Variants in CLSTN1 observed in about 807,000 individuals in gnomAD.
The protein encoded by CLSTN1 is calsyntenin 1, also known as calsyntenin-1.
In CLSTN1, 28 loss-of-function variants were observed where a neutral mutation model predicts 108.3. That is an observed-to-expected ratio of 0.26 (90% CI 0.19 to 0.35). The LOEUF is 0.35. Among genes scored for constraint, CLSTN1 ranks in the 10% least tolerant of loss-of-function variants. CLSTN1 has a pLI of 1.00. For missense variants in CLSTN1, 1,157 were observed against 1,302.6 expected, an observed-to-expected ratio of 0.89 and a Z score of 1.72; for synonymous variants, 524 against 534.9, an observed-to-expected ratio of 0.98 and a Z score of 0.28.
intron 11 of CLSTN1, among the ~76,000 whole-genome samples, chr1:9,736,844 C>G (rs890795495): frequency 3.3e-5 from 5 of 152,096 alleles, no homozygotes; most frequent in Non-Finnish European, 7.3e-5. Flanking sequence ...GAGGCCGAGG[C>G]GGGTGGATCA....
intron 16 of CLSTN1, 144 bp downstream of exon 16, chr1:9,733,257 C>G (rs929182541): frequency 1.5e-4 from 147 of 979,286 alleles, no homozygotes; most frequent in Middle Eastern, 3.2e-4. Flanking sequence ...AGGCCCCAGG[C>G]TGGAAAGGCG....
At chr1:9,757,007 T>C (rs1335690244) in intron 2 of CLSTN1, among the ~76,000 whole-genome samples, 1 of 151,710 alleles carries the variant, frequency 6.6e-6, no homozygotes, top group African/African-American at 2.4e-5. Flanking sequence ...CTCGATCTCC[T>C]GACCTCGTGA....
chr1:9,744,750 A>G, intron 7 of CLSTN1, 107 bp from the exon 8 acceptor site: 1 of 1,330,864 alleles, frequency 7.5e-7, no homozygotes, highest in Non-Finnish European at 9.9e-7. Context: ...TGCTGGCTCC[A>G]GTTTACTTTT....
In CLSTN1 at chr1:9,817,247, A is replaced by C. The variant is rs549262593; in HGVS notation, c.91+6396T>G. On this transcript the variant is annotated intron_variant, in intron 1 of 18. Coordinates refer to ENST00000377298, the MANE Select transcript of CLSTN1 (RefSeq NM_001009566.3). ...TGATTCATGTCTGACCAAAGAAGTA[A>C]AAAAGAAAAAACATGACTCTTCTTT... 2.0e-5 allele frequency among the ~76,000 whole-genome samples: 3 copies of C among 152,322 alleles called. No homozygotes were observed. In the East Asian group the frequency reaches 5.8e-4, roughly 29 times the overall value.
At chr1:9,766,429 CGG>C (rs1652335870) in intron 2 of CLSTN1, among the ~76,000 whole-genome samples, 1 of 152,068 alleles carries the variant, frequency 6.6e-6, no homozygotes, top group African/African-American at 2.4e-5. Context: ...GAGGCCAAGG[CGG>C]AGGATCACTT....
chr1:9,732,239 G>A (rs1278060997), intron 16 of CLSTN1, among the ~76,000 whole-genome samples: 1 of 152,102 alleles, frequency 6.6e-6, no homozygotes, highest in Non-Finnish European at 1.5e-5. Flanking sequence ...CCGGGCTGGA[G>A]CGCAGTAGCT....
intron 2 of CLSTN1, among the ~76,000 whole-genome samples, chr1:9,763,165 T>C (rs963879952): frequency 3.9e-5 from 6 of 152,130 alleles, no homozygotes; most frequent in Non-Finnish European, 7.4e-5. Context: ...TTTCACCATG[T>C]TGGCCAGGCT....
At chr1:9,750,415 T>G (rs1001589909) in intron 5 of CLSTN1, among the ~76,000 whole-genome samples, 1 of 152,126 alleles carries the variant, frequency 6.6e-6, no homozygotes, top group African/African-American at 2.4e-5. Flanking sequence ...GTGCATTGAT[T>G]AACAATGGAA....
In CLSTN1 at chr1:9,779,271, T is replaced by G. The variant is rs76158629; in HGVS notation, c.92-5877A>C. ...GAAACTCAACATCCTCTCCAGATTA[T>G]CTTTTTAAAAAAATTTTTAGGACGG... On this transcript the variant is annotated intron_variant, in intron 1 of 18. Transcript: ENST00000377298. Among the ~76,000 whole-genome samples the G allele has an allele frequency of 4.3e-3, 658 of 152,236 alleles. 11 individuals carry two copies. The highest frequency in any genetic ancestry group is 0.043 in the East Asian group (220 of 5,152).
chr1:9,772,562 A>G (rs1652743173), intron 2 of CLSTN1, among the ~76,000 whole-genome samples: 1 of 152,212 alleles, frequency 6.6e-6, no homozygotes, highest in Non-Finnish European at 1.5e-5. Flanking sequence ...GGCAGAAAAA[A>G]GGTGGCGCAG....
At chr1:9,790,962 T>C (rs895200288) in intron 1 of CLSTN1, among the ~76,000 whole-genome samples, 15 of 150,802 alleles carry the variant, frequency 9.9e-5, no homozygotes, top group African/African-American at 3.6e-4. Flanking sequence ...TGAAACCCCG[T>C]CTCTACTAAA....
At chr1:9,732,028 G>T in intron 16 of CLSTN1, 132 bp from the exon 17 acceptor site, 1 of 913,336 alleles carries the variant, frequency 1.1e-6, no homozygotes, top group Non-Finnish European at 1.6e-6. Flanking sequence ...GGGGCAAACG[G>T]AGCTACGGGA....
intron 1 of CLSTN1, among the ~76,000 whole-genome samples, chr1:9,792,018 G>A (rs1164822718): frequency 3.3e-5 from 5 of 150,822 alleles, no homozygotes; most frequent in African/African-American, 7.3e-5. Flanking sequence ...GCATGGTGGC[G>A]GGTGCCTGTA....
At chr1:9,812,124 A>G (rs907360120) in intron 1 of CLSTN1, among the ~76,000 whole-genome samples, 2 of 152,142 alleles carry the variant, frequency 1.3e-5, no homozygotes, top group Non-Finnish European at 2.9e-5. Flanking sequence ...GCAACAGAGC[A>G]AGACTCCGTC....
chr1:9,735,848 G>A (rs758804840), intron 12 of CLSTN1, 37 bp downstream of exon 12: 2 of 1,611,234 alleles, frequency 1.2e-6, no homozygotes, highest in South Asian at 2.2e-5. Context: ...AGTCTAAGGG[G>A]CCCATGAGTG....
intron 1 of CLSTN1, among the ~76,000 whole-genome samples, chr1:9,796,419 G>A (rs942501626): frequency 4.6e-5 from 7 of 150,604 alleles, no homozygotes; most frequent in African/African-American, 1.7e-4. Flanking sequence ...GCTCACGCCT[G>A]TAATCCCAGC....
rs768311346 is a variant in CLSTN1, at chr1:9,731,335, G to A, written c.2619C>T (p.Phe873=). The change falls in exon 18 of 19, where the codon TTC becomes TTT. Residue 873 remains phenylalanine, a synonymous_variant. Coordinates refer to ENST00000377298, the MANE Select transcript of CLSTN1 (RefSeq NM_001009566.3). ...TCCGAAATACCCCCAGGATAATCAT[G>A]AACACCAGGAAGCTGACGCACACCA... is the stretch of plus-strand genomic sequence containing the variant. ...VIVVCVSFLV[F]MIILGVFRIR... 6.2e-7 allele frequency: 1 copy of A among 1,614,262 alleles called. No individual in the cohort carries two copies. Among genetic ancestry groups the A allele is most frequent in the South Asian group, 1.1e-5 (1 of 91,088 alleles).
chr1:9,766,244 G>A (rs960756655), intron 2 of CLSTN1, among the ~76,000 whole-genome samples: 1 of 152,176 alleles, frequency 6.6e-6, no homozygotes, highest in Non-Finnish European at 1.5e-5. Flanking sequence ...GAGCTCTGAA[G>A]AGGAAACAAG....
At chr1:9,760,856 C>T (rs180811036) in intron 2 of CLSTN1, among the ~76,000 whole-genome samples, 18 of 151,888 alleles carry the variant, frequency 1.2e-4, no homozygotes, top group African/African-American at 3.6e-4. Flanking sequence ...ATGCATGCTA[C>T]GGCACCATCA....
Sources: allele counts gnomAD v4.1 joint callset (sites outside exome capture counted in the v4.1 genomes callset), GRCh38; gene constraint gnomAD v4.1.1; transcripts MANE v1.5; gene names NCBI Gene and HGNC (gene_info 2026-07-23, HGNC 2026-07-21).